UBE2Q1: variants seen among roughly 807,000 people sequenced by gnomAD.
UBE2Q1 encodes ubiquitin conjugating enzyme E2 Q1, also known as ubiquitin-conjugating enzyme E2 Q1.
In UBE2Q1, 6 loss-of-function variants were observed where a neutral mutation model predicts 60.1. The observed-to-expected ratio is 0.10, with a 90% CI of 0.05 to 0.20. The LOEUF is 0.20. Ranked by LOEUF, UBE2Q1 falls within the 10% of genes least tolerant of loss-of-function variation. The pLI is 1.00. For synonymous variants in UBE2Q1, 226 were observed against 208.3 expected (o/e 1.09, Z -0.73); for missense variants, 262 against 525.8 (o/e 0.50, Z 4.91).
rs911651934 is a variant in UBE2Q1 at position 154,550,201 on chromosome 1, G to A, written c.*237C>T. 3.2e-5 allele frequency: 16 copies of A among 503,224 alleles called. No homozygotes were observed. The highest frequency in any genetic ancestry group is 5.6e-5 in the Non-Finnish European group (16 of 285,614). The allele number at this position is 503,224 out of a possible 1,614,324, so 31.2% of individuals were successfully genotyped here. A position where few individuals can be genotyped will look rare whatever the true frequency, so the allele number is the denominator to read the frequency against. ...TTTATAAGAATGCCTGCTAGCAAGG[G>A]TTCCAGCAAGGTGGTTGGTTGGTCT... On this transcript the variant is annotated 3_prime_UTR_variant, in exon 13 of 13. Coordinates refer to ENST00000292211, the MANE Select transcript of UBE2Q1 (RefSeq NM_017582.7).
At chr1:154,556,532 T>G (rs1244972673) in intron 1 of UBE2Q1, among the ~76,000 whole-genome samples, 1 of 151,928 alleles carries the variant, frequency 6.6e-6, no homozygotes, top group Non-Finnish European at 1.5e-5. Context: ...AAAGACCAAT[T>G]CTCCCCACCT....
At position 154,551,342 on chromosome 1, in the gene UBE2Q1, C is replaced by A. The variant is rs112426441; in HGVS notation, c.1170+55G>T. The A allele has an allele frequency of 4.8e-3, 7,573 of 1,571,918 alleles. 25 individuals are homozygous for A. The highest frequency in any genetic ancestry group is 5.9e-3 in the Non-Finnish European group (6,764 of 1,143,966). ...AAGGCAGCCTTGGCCTGCTAGTGGC[C>A]CCAAGTGTACTTGGCTCCACCCAGC... On this transcript the variant is annotated intron_variant, in intron 11 of 12. Transcript: ENST00000292211.
rs750809597 is a variant in UBE2Q1 at position 154,551,382 on chromosome 1, G to A, written c.1170+15C>T. On this transcript the variant is annotated intron_variant, in intron 11 of 12. Coordinates refer to ENST00000292211, the MANE Select transcript of UBE2Q1 (RefSeq NM_017582.7). ...CTCCACCCAGCCCCACCAGCCCCAG[G>A]ACCAGGATCCTTACTTTGTTGGCTC... 1 of 1,613,204 alleles carries A rather than the reference G, an allele frequency of 6.2e-7. No homozygotes were observed.
In UBE2Q1 at chr1:154,551,008, G is replaced by C; in HGVS notation, c.1171-4C>G. ...CTCTTGTCAGACTGTATTGAGACTG[G>C]GGAGAGGAAGCCACCAGATCAGGCC... On this transcript the variant is annotated splice_region_variant and splice_polypyrimidine_tract_variant and intron_variant, in intron 11 of 12. Coordinates refer to ENST00000292211, the MANE Select transcript of UBE2Q1 (RefSeq NM_017582.7). 2.5e-6 allele frequency: 4 copies of C among 1,614,030 alleles called. No homozygotes were observed. Among genetic ancestry groups the C allele is most frequent in the Non-Finnish European group, 3.4e-6 (4 of 1,179,978 alleles).
chr1:154,555,978 A>G lies in UBE2Q1; in HGVS notation c.328-14T>C. 6.2e-7 allele frequency: 1 copy of G among 1,609,882 alleles called. No individual in the cohort carries two copies. The highest frequency in any genetic ancestry group is 8.5e-7 in the Non-Finnish European group (1 of 1,176,498). ...AGGGTATGACTCCTGAAGGGAAAAG[A>G]GCAATAAGAGCAATCAAAATGGGTG... On this transcript the variant is annotated splice_polypyrimidine_tract_variant and intron_variant, in intron 1 of 12. Transcript: ENST00000292211.
chr1:154,554,977 TCGCC>T (rs1695857682), intron 3 of UBE2Q1, 192 bp from the exon 4 acceptor site: 6 of 592,478 alleles, frequency 1.0e-5, no homozygotes, highest in African/African-American at 1.9e-5. Flanking sequence ...CCATTATTTT[TCGCC>T]TATCACTGCC....
chr1:154,550,412 G>T lies in UBE2Q1; in HGVS notation c.*26C>A. ...GGTAATTGGTCCAGTGGTGCCTGGG[G>T]AGGGAGGAAGGGTGATACTCCAGGG... On this transcript the variant is annotated 3_prime_UTR_variant, in exon 13 of 13. Coordinates refer to ENST00000292211, the MANE Select transcript of UBE2Q1 (RefSeq NM_017582.7). 1.2e-6 allele frequency: 2 copies of T among 1,614,112 alleles called. No individual in the cohort carries two copies. The highest frequency in any genetic ancestry group is 2.2e-5 in the East Asian group (1 of 44,890).
chr1:154,552,543 C>G, intron 6 of UBE2Q1, 79 bp from the exon 7 acceptor site: 5 of 1,556,346 alleles, frequency 3.2e-6, no homozygotes, highest in Non-Finnish European at 4.4e-6. Context: ...CTTTCCCAGA[C>G]TGAGAGAAAA....
chr1:154,554,520 T>C, intron 4 of UBE2Q1: 1 of 433,474 alleles, frequency 2.3e-6, no homozygotes, highest in Middle Eastern at 5.8e-4. Flanking sequence ...ACTTACCCAG[T>C]ATTTGGTTTG....
At chr1:154,551,053 C>A (rs557605568) in intron 11 of UBE2Q1, 49 bp from the exon 12 acceptor site, 1 of 1,604,494 alleles carries the variant, frequency 6.2e-7, no homozygotes, top group South Asian at 1.1e-5. Flanking sequence ...TGTGGCCTTA[C>A]TGCCCCTCAC....
rs1388500738 is a variant in UBE2Q1 at position 154,549,376 on chromosome 1, C to G, written c.*1062G>C. The G allele has an allele frequency of 2.0e-5, 3 of 152,206 alleles. No individual in the cohort carries two copies. Among genetic ancestry groups the G allele is most frequent in the Non-Finnish European group, 4.4e-5 (3 of 68,048 alleles). 9.4% of individuals were successfully genotyped at this position (152,206 alleles called of 1,614,324 possible). A position where few individuals can be genotyped will look rare whatever the true frequency, so the allele number is the denominator to read the frequency against. ...CTTGTGGGAGTGGCTTGAAAGAATC[C>G]ATAATTTCCCAAGCCAAACAAATTC... On this transcript the variant is annotated 3_prime_UTR_variant, in exon 13 of 13. Coordinates refer to ENST00000292211, the MANE Select transcript of UBE2Q1 (RefSeq NM_017582.7).
At chr1:154,553,773 C>T (rs116951646) in intron 4 of UBE2Q1, 1 of 152,676 alleles carries the variant, frequency 6.5e-6, no homozygotes, top group African/African-American at 2.4e-5. Flanking sequence ...TCATCCTGCT[C>T]TAAGTGAGCA....
chr1:154,557,823 T>G (rs966286847), intron 1 of UBE2Q1, among the ~76,000 whole-genome samples: 1 of 152,110 alleles, frequency 6.6e-6, no homozygotes, highest in South Asian at 2.1e-4. Flanking sequence ...AAATGTGCAG[T>G]GAGTTTCAGG....
At chr1:154,555,767 TACCGTCC>T (rs1557846000) in intron 2 of UBE2Q1, 86 bp downstream of exon 2, 11 of 1,195,690 alleles carry the variant, frequency 9.2e-6, no homozygotes, top group Non-Finnish European at 1.4e-5. Context: ...TTTAGCTGTG[TACCGTCC>T]ACTTTTCAGG....
In UBE2Q1 at chr1:154,550,533, A is replaced by G. The variant is rs113438849; in HGVS notation, c.1238-64T>C. 85 of 1,609,328 alleles carry G rather than the reference A, an allele frequency of 5.3e-5. 1 individual carries two copies. Among genetic ancestry groups the G allele is most frequent in the African/African-American group, 2.7e-4 (20 of 74,918 alleles). ...GGCCCACCCTCCCTGTCCTGCCCCA[A>G]TCCCTGAAGACGTCTCCAGTGGCAG... On this transcript the variant is annotated intron_variant, in intron 12 of 12. Transcript: ENST00000292211.
intron 4 of UBE2Q1, 80 bp from the exon 5 acceptor site, chr1:154,553,252 T>G: frequency 6.5e-7 from 1 of 1,535,730 alleles, no homozygotes; most frequent in Non-Finnish European, 8.7e-7. Flanking sequence ...ACCTTCCCAG[T>G]CCCATTTGGC....
At chr1:154,556,576 G>T (rs1695892083) in intron 1 of UBE2Q1, among the ~76,000 whole-genome samples, 2 of 152,274 alleles carry the variant, frequency 1.3e-5, no homozygotes, top group South Asian at 4.1e-4. Context: ...CTCAGTCCAG[G>T]CGTGGGCTGT....
chr1:154,552,729 A>G lies in UBE2Q1; in HGVS notation c.814+7T>C. On this transcript the variant is annotated splice_region_variant and intron_variant, in intron 6 of 12. Transcript: ENST00000292211. ...CTTGTGCAGGCCCCTCTCTGGGGCAAACTCACCGCCTTTGAAACTCTGTGA... is the reference window on the plus strand; with the variant it reads ...CTTGTGCAGGCCCCTCTCTGGGGCAGACTCACCGCCTTTGAAACTCTGTGA... The G allele has an allele frequency of 6.2e-7, 1 of 1,613,626 alleles. No individual in the cohort carries two copies.
chr1:154,551,139 T>A (rs1695784797), intron 11 of UBE2Q1, 135 bp from the exon 12 acceptor site: 1 of 1,061,750 alleles, frequency 9.4e-7, no homozygotes, highest in Admixed American at 1.9e-5. Flanking sequence ...CTAAGTACCC[T>A]CCACCTTCGA....
Sources: allele counts gnomAD v4.1 joint callset (sites outside exome capture counted in the v4.1 genomes callset), GRCh38; gene constraint gnomAD v4.1.1; transcripts MANE v1.5; gene names NCBI Gene and HGNC (gene_info 2026-07-23, HGNC 2026-07-21).